The following IKZF2 variants were observed in gnomAD, a reference collection of about 807,000 sequenced individuals.
The protein encoded by IKZF2 is zinc finger protein Helios.
A neutral mutation model predicts 49.2 loss-of-function variants in IKZF2; 15 were observed. The ratio of observed to expected loss-of-function variants is 0.30; its 90% CI spans 0.20 to 0.47. The LOEUF (loss-of-function observed/expected upper bound fraction) is 0.47. IKZF2 is among the 20% of genes least tolerant of loss of function. The pLI, the probability that IKZF2 is intolerant of heterozygous loss-of-function variation, is 1.00. For missense variants in IKZF2, 567 were observed against 664.6 expected (o/e 0.85, Z 1.61); for synonymous variants, 227 against 221.4 (o/e 1.03, Z -0.23).
At chr2:213,139,247 A>AG (rs2060785829) in intron 4 of IKZF2, among the ~76,000 whole-genome samples, 1 of 151,956 alleles carries the variant, frequency 6.6e-6, no homozygotes, top group Admixed American at 6.6e-5. Flanking sequence ...GGAAAAAAAA[A>AG]TGAATCTCAG....
intron 4 of IKZF2, among the ~76,000 whole-genome samples, chr2:213,132,432 T>G (rs1014039031): frequency 1.5e-4 from 23 of 152,188 alleles, no homozygotes; most frequent in African/African-American, 5.5e-4. Context: ...TCTGTTTATG[T>G]GTACTCTAAT....
intron 7 of IKZF2, among the ~76,000 whole-genome samples, chr2:213,015,957 T>TG: frequency 6.6e-6 from 1 of 152,152 alleles, no homozygotes; most frequent in South Asian, 2.1e-4. Flanking sequence ...AAACGAAACC[T>TG]GGGTGTGGGA....
intron 4 of IKZF2, among the ~76,000 whole-genome samples, chr2:213,117,275 T>C (rs1337858204): frequency 6.6e-6 from 1 of 152,150 alleles, no homozygotes; most frequent in African/African-American, 2.4e-5. Flanking sequence ...TATCTCACAT[T>C]TATTGGAACA....
intron 4 of IKZF2, among the ~76,000 whole-genome samples, chr2:213,076,808 C>T (rs1317526044): frequency 2.0e-5 from 3 of 152,154 alleles, no homozygotes. Flanking sequence ...GAGGCTGAGG[C>T]AGGAGAAGGG....
intron 4 of IKZF2, among the ~76,000 whole-genome samples, chr2:213,132,877 G>C (rs138004929): frequency 1.3e-5 from 2 of 152,254 alleles, no homozygotes; most frequent in African/African-American, 4.8e-5. Flanking sequence ...CATTTCTTCA[G>C]TAATTGATTT....
chr2:213,135,817 G>C (rs763212924), intron 4 of IKZF2, among the ~76,000 whole-genome samples: 5 of 151,760 alleles, frequency 3.3e-5, no homozygotes, highest in Non-Finnish European at 4.4e-5. Flanking sequence ...ATACAATGCC[G>C]GGCACGGTGG....
At chr2:213,060,884 A>G (rs1559221599) in intron 4 of IKZF2, among the ~76,000 whole-genome samples, 1 of 151,546 alleles carries the variant, frequency 6.6e-6, no homozygotes, top group Non-Finnish European at 1.5e-5. Flanking sequence ...TAATAGAAAA[A>G]AACTGTTATG....
intron 4 of IKZF2, among the ~76,000 whole-genome samples, chr2:213,059,542 A>G (rs1701485579): frequency 6.6e-6 from 1 of 151,648 alleles, no homozygotes; most frequent in South Asian, 2.1e-4. Flanking sequence ...AATTAAAATT[A>G]AGAAAGAAAA....
chr2:213,011,530 A>G (rs1429402622), intron 8 of IKZF2, among the ~76,000 whole-genome samples: 1 of 152,070 alleles, frequency 6.6e-6, no homozygotes, highest in African/African-American at 2.4e-5. Context: ...GGATGCATAC[A>G]ATCCTATAGA....
chr2:213,084,365 A>AAATAATAATAATAATAATAAT (rs1301263938), intron 4 of IKZF2, among the ~76,000 whole-genome samples: 3 of 152,180 alleles, frequency 2.0e-5, no homozygotes, highest in Non-Finnish European at 4.4e-5. Context: ...GATACTCAAT[A>AAATAATAATAATAATAATAAT]AATAATAGTT....
chr2:213,105,738 T>C (rs150886914), intron 4 of IKZF2, among the ~76,000 whole-genome samples: 32 of 152,308 alleles, frequency 2.1e-4, no homozygotes, highest in African/African-American at 6.5e-4. Context: ...ATCAGAATTC[T>C]GCAAACAAAC....
At chr2:213,051,370 G>A (rs949651964) in intron 5 of IKZF2, among the ~76,000 whole-genome samples, 5 of 151,742 alleles carry the variant, frequency 3.3e-5, no homozygotes. Context: ...GGTGTGGTGG[G>A]GGTTAAGGTT....
chr2:213,124,235 T>TGTGCTCGC (rs879580232), intron 4 of IKZF2, among the ~76,000 whole-genome samples: 1 of 115,176 alleles, frequency 8.7e-6, no homozygotes, highest in African/African-American at 3.9e-5. Context: ...CACGCACACA[T>TGTGCTCGC]GCGCTCGCGC....
intron 4 of IKZF2, among the ~76,000 whole-genome samples, chr2:213,073,894 CAAT>C (rs1309637724): frequency 1.3e-5 from 2 of 152,146 alleles, no homozygotes; most frequent in African/African-American, 2.4e-5. Flanking sequence ...TTCCATTTCA[CAAT>C]CCCTGGGATC....
chr2:213,070,093 A>C (rs913347628), intron 4 of IKZF2, among the ~76,000 whole-genome samples: 27 of 152,140 alleles, frequency 1.8e-4, no homozygotes, highest in Admixed American at 1.8e-3. Flanking sequence ...CAGAGGAAAA[A>C]AAAATTCCTT....
chr2:213,077,892 C>T (rs943430059), intron 4 of IKZF2, among the ~76,000 whole-genome samples: 1 of 152,020 alleles, frequency 6.6e-6, no homozygotes, highest in Non-Finnish European at 1.5e-5. Flanking sequence ...CCGGCCTATT[C>T]TATGTACTTA....
At chr2:213,082,209 T>C (rs1426525535) in intron 4 of IKZF2, among the ~76,000 whole-genome samples, 15 of 152,178 alleles carry the variant, frequency 9.9e-5, no homozygotes, top group Admixed American at 9.2e-4. Context: ...CAAGCAGCAA[T>C]AAATGTATAC....
intron 4 of IKZF2, among the ~76,000 whole-genome samples, chr2:213,072,487 G>T (rs190971128): frequency 2.0e-5 from 3 of 151,842 alleles, no homozygotes; most frequent in African/African-American, 4.8e-5. Flanking sequence ...TATCATTATC[G>T]CTCACTGGGT....
At chr2:213,124,240 T>TGG (rs1553599600) in intron 4 of IKZF2, among the ~76,000 whole-genome samples, 2 of 118,408 alleles carry the variant, frequency 1.7e-5, no homozygotes, top group South Asian at 6.2e-4. Flanking sequence ...ACACATGCGC[T>TGG]CGCGCGCGCG....
Sources: gnomAD v4.1 joint callset for allele counts (sites outside exome capture counted in the v4.1 genomes callset) on GRCh38, gnomAD v4.1.1 for gene constraint, MANE v1.5 for transcripts, NCBI Gene and HGNC (gene_info 2026-07-23, HGNC 2026-07-21) for gene names.